Variants in IKZF5 observed in about 807,000 individuals in gnomAD.
The protein encoded by IKZF5 is IKAROS family zinc finger 5, also known as zinc finger protein Pegasus.
Under a neutral mutation model 30.7 loss-of-function variants are expected in IKZF5, and 4 were observed. The ratio of observed to expected loss-of-function variants is 0.13; its 90% CI spans 0.06 to 0.30. The LOEUF (loss-of-function observed/expected upper bound fraction) is 0.30. Ranked by LOEUF, IKZF5 falls within the 10% of genes least tolerant of loss-of-function variation. The pLI is 1.00. For synonymous variants in IKZF5, 148 were observed against 179.6 expected (o/e 0.82, Z 1.41); for missense variants, 348 against 525.5 (o/e 0.66, Z 3.30).
Position 122,993,741 on chromosome 10 carries a change from C to T in IKZF5, c.*39G>A. On this transcript the variant is annotated 3_prime_UTR_variant, in exon 5 of 5. Transcript: ENST00000368886. ...ACAAAAAACAAAAAAAACCAAACCA[C>T]AAAAACAGCAAAACTAAGTAAAATA... 2 of 1,471,336 alleles carry T rather than the reference C, an allele frequency of 1.4e-6. No individual in the cohort carries two copies. The highest frequency in any genetic ancestry group is 1.8e-6 in the Non-Finnish European group (2 of 1,088,658). 91.1% of individuals were successfully genotyped at this position (1,471,336 alleles called of 1,614,324 possible). A position where few individuals can be genotyped will look rare whatever the true frequency, so the allele number is the denominator to read the frequency against.
intron 3 of IKZF5, 144 bp downstream of exon 3, chr10:122,998,349 A>G: frequency 1.6e-6 from 1 of 631,774 alleles, no homozygotes; most frequent in Non-Finnish European, 2.6e-6. Flanking sequence ...TATGTTTAAA[A>G]AAGGGGGAAA....
chr10:123,006,577 T>C (rs1849793983), intron 2 of IKZF5, among the ~76,000 whole-genome samples: 1 of 152,182 alleles, frequency 6.6e-6, no homozygotes, highest in African/African-American at 2.4e-5. Flanking sequence ...TTTGAGAACA[T>C]GATTAGGGAA....
intron 3 of IKZF5, among the ~76,000 whole-genome samples, chr10:122,997,926 T>C (rs1206487783): frequency 1.3e-5 from 2 of 152,168 alleles, no homozygotes; most frequent in Non-Finnish European, 2.9e-5. Context: ...AAAACAGCAG[T>C]CCAGATGGGG....
chr10:123,001,001 CTTCTTTTCTT>C (rs200962140), intron 2 of IKZF5, among the ~76,000 whole-genome samples: 1 of 150,436 alleles, frequency 6.6e-6, no homozygotes, highest in Non-Finnish European at 1.5e-5. Context: ...TTCGTTTTCT[CTTCTTTTCTT>C]TTCTTTTTTT....
At chr10:122,997,984 T>A (rs4980242) in intron 3 of IKZF5, among the ~76,000 whole-genome samples, 87,863 of 152,050 alleles carry the variant, frequency 0.58, 26,764 homozygotes, top group Non-Finnish European at 0.69. Context: ...AGGAATAAAT[T>A]CCAGTTTTTT....
Position 122,998,356 on chromosome 10 carries a change from G to GA in IKZF5, c.133+136dup, listed in dbSNP as rs537821925. ...AAGTCTGATATGTTTAAAAAAGGGGGAAAAAATGCCCTGTATCTTTCTAGA... is the reference window on the plus strand; with the variant it reads ...AAGTCTGATATGTTTAAAAAAGGGGGAAAAAAATGCCCTGTATCTTTCTAGA... On this transcript the variant is annotated intron_variant, in intron 3 of 4. Coordinates refer to ENST00000368886, the MANE Select transcript of IKZF5 (RefSeq NM_001372123.1). 1.2e-5 allele frequency: 8 copies of GA among 673,308 alleles called. No individual in the cohort carries two copies. In the East Asian group the frequency reaches 1.4e-4, roughly 12 times the overall value. The allele number at this position is 673,308 out of a possible 1,614,324, so 41.7% of individuals were successfully genotyped here.
intron 3 of IKZF5, 91 bp from the exon 4 acceptor site, chr10:122,996,267 T>C (rs1849369666): frequency 2.7e-6 from 3 of 1,104,238 alleles, no homozygotes; most frequent in African/African-American, 1.6e-5. Flanking sequence ...ATCTTATAAA[T>C]TGACAGTTCA....
In IKZF5 at chr10:122,994,370, T is replaced by A; in HGVS notation, c.670A>T (p.Thr224Ser). 6.2e-7 allele frequency: 1 copy of A among 1,613,996 alleles called. No homozygotes were observed. Among genetic ancestry groups the A allele is most frequent in the East Asian group, 2.2e-5 (1 of 44,866 alleles). Residue 224 changes from threonine to serine, a missense_variant, in exon 5 of 5, where the codon ACT becomes TCT. Thr to Ser is a moderately conservative substitution (Grantham distance 58). This residue lies in a region of IKZF5 where 176 missense variants were observed against 198.2 expected (regional missense o/e 0.89). Coordinates refer to ENST00000368886, the MANE Select transcript of IKZF5 (RefSeq NM_001372123.1). The surrounding 1 kb of genome is among the most constrained non-coding windows in gnomAD (Gnocchi z 5.6). Reference sequence around the variant, plus strand: ...TTTGCCATACTTTCATAGGAGTCAGTCTGGATATTTGGGATTTCGTGGGTA... The same window carrying A: ...TTTGCCATACTTTCATAGGAGTCAGACTGGATATTTGGGATTTCGTGGGTA... ...DFTHEIPNIQ[T>S]DSYESMAKTT...
intron 2 of IKZF5, among the ~76,000 whole-genome samples, chr10:122,999,066 T>C (rs1849492384): frequency 6.6e-6 from 1 of 152,166 alleles, no homozygotes. Flanking sequence ...TGGTGGCACA[T>C]GCTGATGGTC....
At chr10:123,005,526 T>C (rs927069639) in intron 2 of IKZF5, among the ~76,000 whole-genome samples, 4 of 152,228 alleles carry the variant, frequency 2.6e-5, no homozygotes, top group South Asian at 2.1e-4. Context: ...ATTACAGATG[T>C]GGGTGGTGTT....
chr10:123,005,337 C>G (rs1849741183), intron 2 of IKZF5, among the ~76,000 whole-genome samples: 1 of 152,194 alleles, frequency 6.6e-6, no homozygotes, highest in Non-Finnish European at 1.5e-5. Context: ...GCAAACATAA[C>G]AAAATATACT....
At chr10:123,002,288 G>A (rs1470227121) in intron 2 of IKZF5, among the ~76,000 whole-genome samples, 1 of 152,070 alleles carries the variant, frequency 6.6e-6, no homozygotes, top group Non-Finnish European at 1.5e-5. Context: ...GGAGGCCGAG[G>A]TGGGTGGATC....
intron 3 of IKZF5, 27 bp from the exon 4 acceptor site, chr10:122,996,203 T>G: frequency 6.3e-7 from 1 of 1,587,382 alleles, no homozygotes; most frequent in Non-Finnish European, 8.6e-7. Flanking sequence ...GCAAAAGAAA[T>G]TATGCATCTC....
intron 1 of IKZF5, among the ~76,000 whole-genome samples, chr10:123,008,417 G>T (rs573348195): frequency 9.5e-4 from 144 of 152,200 alleles, no homozygotes; most frequent in African/African-American, 3.1e-3. Flanking sequence ...TCCCCGCCCC[G>T]GAGCCTCCGA....
At chr10:123,000,056 T>C (rs1028070311) in intron 2 of IKZF5, among the ~76,000 whole-genome samples, 1 of 152,246 alleles carries the variant, frequency 6.6e-6, no homozygotes, top group Admixed American at 6.5e-5. Flanking sequence ...TTTCAGCATA[T>C]ATGCTTAACT....
chr10:122,994,175 G>C lies in IKZF5; in HGVS notation c.865C>G (p.Gln289Glu). Residue 289 changes from glutamine (Q) to glutamate (E), a missense_variant, in exon 5 of 5, where the codon CAG (glutamine) becomes GAG (glutamate). Gln to Glu is a conservative substitution (Grantham distance 29). Around this residue, in one of 4 missense-constraint regions of IKZF5, gnomAD observed 176 missense variants for 198.2 expected, o/e 0.89. Coordinates refer to ENST00000368886, the MANE Select transcript of IKZF5 (RefSeq NM_001372123.1). This position sits in a 1 kb window ranked among gnomAD's most constrained non-coding sequence, Gnocchi z 5.6. The stretch of plus-strand genomic sequence containing the variant: ...ACTACTGCTTGGGTAGAGGGCTGCT[G>C]AATCATGAAAGGCTTTTCATCAGGG... The part of the protein sequence containing the change: ...PCPDEKPFMI[Q>E]QPSTQAVVSA... 6.2e-7 allele frequency: 1 copy of C among 1,614,146 alleles called. No homozygotes were observed. The highest frequency in any genetic ancestry group is 8.5e-7 in the Non-Finnish European group (1 of 1,180,040).
At chr10:123,007,880 A>G (rs1849865112) in intron 1 of IKZF5, among the ~76,000 whole-genome samples, 1 of 152,180 alleles carries the variant, frequency 6.6e-6, no homozygotes, top group African/African-American at 2.4e-5. Flanking sequence ...TCAAAACTGA[A>G]TTTCCTCAGA....
At chr10:123,007,272 A>AT (rs1228636185) in intron 1 of IKZF5, 96 bp from the exon 2 acceptor site, 1 of 152,242 alleles carries the variant, frequency 6.6e-6, no homozygotes, top group Non-Finnish European at 1.5e-5. Context: ...ACTTATGCCA[A>AT]TCTTATCATT....
chr10:122,997,840 A>G (rs1849433380), intron 3 of IKZF5, among the ~76,000 whole-genome samples: 1 of 152,234 alleles, frequency 6.6e-6, no homozygotes, highest in South Asian at 2.1e-4. Context: ...TTCATGTATC[A>G]TTACATTATT....
Sources: allele counts gnomAD v4.1 joint callset (sites outside exome capture counted in the v4.1 genomes callset), GRCh38; gene constraint gnomAD v4.1.1; regional missense constraint gnomAD v4.1.1; non-coding constraint Gnocchi (gnomAD v3.1); transcripts MANE v1.5; gene names NCBI Gene and HGNC (gene_info 2026-07-23, HGNC 2026-07-21).